Variants in MET observed in about 807,000 individuals in gnomAD.
MET encodes the protein hepatocyte growth factor receptor.
Under a neutral mutation model 133.1 loss-of-function variants are expected in MET, and 48 were observed. The observed-to-expected ratio is 0.36, with a 90% CI of 0.29 to 0.46. The LOEUF is 0.46. MET is among the 20% of genes least tolerant of loss of function. The pLI is 1.00. For missense variants in MET, 1,442 were observed against 1,695.9 expected (o/e 0.85, Z 2.63); for synonymous variants, 628 against 616.5 (o/e 1.02, Z -0.28).
At chr7:116,750,920 A>T (rs1052964457) in intron 5 of MET, among the ~76,000 whole-genome samples, 8 of 152,226 alleles carry the variant, frequency 5.3e-5, no homozygotes, top group Non-Finnish European at 1.0e-4. Flanking sequence ...GTCAGGAAAC[A>T]ATATGTGCTG....
chr7:116,741,080 T>TTTTGG (rs769642577), intron 5 of MET, 55 bp downstream of exon 5: 36 of 1,598,838 alleles, frequency 2.3e-5, no homozygotes, highest in Middle Eastern at 1.7e-4. Flanking sequence ...TTTTTTTTTT[T>TTTTGG]TTTGGTTTGG....
chr7:116,765,166 G>C (rs749121133), intron 11 of MET, among the ~76,000 whole-genome samples: 6 of 151,988 alleles, frequency 3.9e-5, no homozygotes, highest in Admixed American at 3.3e-4. Context: ...TGGGCATGGT[G>C]GTGGGTGCCT....
rs1399308676 is a variant in MET, at chr7:116,798,166, A to G, written c.*2042A>G. 4.6e-6 allele frequency: 1 copy of G among 215,820 alleles called. No individual in the cohort carries two copies. The highest frequency in any genetic ancestry group is 9.4e-6 in the Non-Finnish European group (1 of 106,848). The allele number at this position is 215,820 out of a possible 1,614,324, so 13.4% of individuals were successfully genotyped here. On this transcript the variant is annotated 3_prime_UTR_variant, in exon 21 of 21. Coordinates refer to ENST00000397752, the MANE Select transcript of MET (RefSeq NM_000245.4). ...CCCATCAACAGGACTACACACTTGT[A>G]TATACATTCTTGAGAACACTGCAAT...
At chr7:116,716,323 GAGAGAGAGAGAGAGAA>G (rs1181933414) in intron 2 of MET, among the ~76,000 whole-genome samples, 11 of 140,696 alleles carry the variant, frequency 7.8e-5, no homozygotes, top group African/African-American at 3.1e-4. Context: ...GAGAGAGAGA[GAGAGAGAGAGAGAGAA>G]AAGAAACGGA....
At chr7:116,700,397 CA>C in intron 2 of MET, 113 bp downstream of exon 2, 1 of 1,214,006 alleles carries the variant, frequency 8.2e-7, no homozygotes, top group South Asian at 2.0e-5. Context: ...GGTGTTTATC[CA>C]AAATAGTTGC....
chr7:116,741,658 C>T (rs1222326369), intron 5 of MET, among the ~76,000 whole-genome samples: 1 of 152,162 alleles, frequency 6.6e-6, no homozygotes, highest in African/African-American at 2.4e-5. Flanking sequence ...GGTCAACACC[C>T]ATGGGTGGCT....
chr7:116,672,737 G>A lies in MET; in HGVS notation c.-15+160G>A, dbSNP rs75195568. ...CGGAAACTGAAGAGACGTGGCCACG[G>A]CGAGGACGAAACTAGAATGGGGCTT... On this transcript the variant is annotated intron_variant, in intron 1 of 20. Transcript: ENST00000397752. Among the ~76,000 whole-genome samples the A allele has an allele frequency of 1.0e-3, 154 of 152,292 alleles. 3 individuals are homozygous for A. In the East Asian group the frequency reaches 0.029, roughly 28 times the overall value.
At chr7:116,715,084 T>C (rs188584574) in intron 2 of MET, among the ~76,000 whole-genome samples, 2 of 152,366 alleles carry the variant, frequency 1.3e-5, no homozygotes, top group African/African-American at 4.8e-5. Flanking sequence ...AATAACTGTT[T>C]AGTTGCACAA....
At position 116,757,786 on chromosome 7, in the gene MET, T is replaced by G. The variant is rs199685502; in HGVS notation, c.2102+12T>G. On this transcript the variant is annotated intron_variant, in intron 8 of 20. Transcript: ENST00000397752. ...TGTACTTTAAAAAGGTGTTGTAAATTTATTTTTTGTTGCATCTGTCAATTT... is the reference window on the plus strand; with the variant it reads ...TGTACTTTAAAAAGGTGTTGTAAATGTATTTTTTGTTGCATCTGTCAATTT... 14 of 1,612,794 alleles carry G rather than the reference T, an allele frequency of 8.7e-6. No individual in the cohort carries two copies. In the Admixed American group the frequency reaches 2.0e-4, roughly 23 times the overall value.
At position 116,759,451 on chromosome 7, in the gene MET, G is replaced by T. The variant is rs748086754; in HGVS notation, c.2325G>T (p.Met775Ile). ...TGAATTCAGTTAGTGTCCCGAGAAT[G>T]GTCATAAATGTGCATGAAGCAGGAA... ...KNLNSVSVPR[M>I]VINVHEAGRN... Residue 775 changes from methionine (M) to isoleucine (I), a missense_variant, in exon 10 of 21, where the codon ATG (methionine) becomes ATT (isoleucine). By Grantham distance (10) the Met-to-Ile change is conservative. Coordinates refer to ENST00000397752, the MANE Select transcript of MET (RefSeq NM_000245.4). 20 of 1,613,718 alleles carry T rather than the reference G, an allele frequency of 1.2e-5. No homozygotes were observed. Among genetic ancestry groups the T allele is most frequent in the Admixed American group, 3.3e-5 (2 of 59,972 alleles).
chr7:116,747,983 C>T (rs370087590), intron 5 of MET, among the ~76,000 whole-genome samples: 1 of 152,218 alleles, frequency 6.6e-6, no homozygotes, highest in Non-Finnish European at 1.5e-5. Context: ...CAGTGGCTTA[C>T]GCCTGTAATC....
intron 1 of MET, among the ~76,000 whole-genome samples, chr7:116,692,449 T>G: frequency 6.6e-6 from 1 of 152,236 alleles, no homozygotes; most frequent in East Asian, 1.9e-4. Flanking sequence ...ATATACATTT[T>G]TGTAGGCTCT....
intron 2 of MET, among the ~76,000 whole-genome samples, chr7:116,716,469 G>A (rs757837264): frequency 1.4e-3 from 26 of 18,194 alleles, no homozygotes; most frequent in African/African-American, 7.8e-3. Flanking sequence ...GAAAGAAAGA[G>A]AAAGAAAGAA....
chr7:116,777,072 C>T (rs533239068), intron 15 of MET, among the ~76,000 whole-genome samples: 2 of 151,546 alleles, frequency 1.3e-5, no homozygotes, highest in East Asian at 3.9e-4. Flanking sequence ...GCCGATGTTA[C>T]TCACCTTTTC....
intron 2 of MET, among the ~76,000 whole-genome samples, chr7:116,723,950 T>G (rs993960848): frequency 6.6e-6 from 1 of 152,262 alleles, no homozygotes; most frequent in East Asian, 1.9e-4. Flanking sequence ...GTCTGTGCCC[T>G]GCCCCGAGAG....
At chr7:116,704,342 G>A (rs1791701372) in intron 2 of MET, among the ~76,000 whole-genome samples, 1 of 152,088 alleles carries the variant, frequency 6.6e-6, no homozygotes. Context: ...CTACCTGGAT[G>A]GCCATGAAAG....
chr7:116,711,890 G>T (rs1276108526), intron 2 of MET, among the ~76,000 whole-genome samples: 4 of 152,150 alleles, frequency 2.6e-5, no homozygotes, highest in South Asian at 2.1e-4. Flanking sequence ...TTAAACTCTG[G>T]GGGGAGGGGC....
chr7:116,761,897 G>A (rs1794413000), intron 10 of MET, among the ~76,000 whole-genome samples: 1 of 151,954 alleles, frequency 6.6e-6, no homozygotes, highest in Non-Finnish European at 1.5e-5. Context: ...TCCTTTTTAT[G>A]TATATCCTGA....
At chr7:116,762,311 C>T (rs1179097828) in intron 10 of MET, among the ~76,000 whole-genome samples, 1 of 152,142 alleles carries the variant, frequency 6.6e-6, no homozygotes, top group Non-Finnish European at 1.5e-5. Context: ...CCACTCCAAG[C>T]TGTGTGACCT....
Sources: gnomAD v4.1 joint callset for allele counts (sites outside exome capture counted in the v4.1 genomes callset) on GRCh38, gnomAD v4.1.1 for gene constraint, MANE v1.5 for transcripts, NCBI Gene and HGNC (gene_info 2026-07-23, HGNC 2026-07-21) for gene names.